The following DHRSX variants were observed in gnomAD, a reference collection of about 807,000 sequenced individuals.
DHRSX encodes polyprenol dehydrogenase.
A neutral mutation model predicts 34.0 loss-of-function variants in DHRSX; 31 were observed. The observed-to-expected ratio is 0.91, with a 90% CI of 0.69 to 1.23. The LOEUF (loss-of-function observed/expected upper bound fraction) is 1.23. Ranked by LOEUF, DHRSX falls within the 50% of genes most tolerant of loss-of-function variation. DHRSX has a pLI of 0.00. For missense variants in DHRSX, 414 were observed against 428.1 expected (o/e 0.97, Z 0.29); for synonymous variants, 201 against 183.8 (o/e 1.09, Z -0.76).
At chrX:2,315,897 T>C (rs1373843818) in intron 3 of DHRSX, among the ~76,000 whole-genome samples, 1 of 152,144 alleles carries the variant, frequency 6.6e-6, no homozygotes, top group East Asian at 1.9e-4. Flanking sequence ...AGTCTCACTC[T>C]GTTGCCTAGG....
chrX:2,251,671 A>G (rs2016437027), intron 5 of DHRSX, among the ~76,000 whole-genome samples: 1 of 152,128 alleles, frequency 6.6e-6, no homozygotes, highest in African/African-American at 2.4e-5. Flanking sequence ...AAGTAAAAAA[A>G]ATGGCCTTGC....
chrX:2,419,328 C>G (rs888958944), intron 2 of DHRSX, among the ~76,000 whole-genome samples: 1 of 152,202 alleles, frequency 6.6e-6, no homozygotes, highest in Non-Finnish European at 1.5e-5. Flanking sequence ...TCTGACCACA[C>G]TGACCCCCTG....
intron 4 of DHRSX, among the ~76,000 whole-genome samples, chrX:2,269,831 C>T (rs1207350032): frequency 1.3e-5 from 2 of 152,154 alleles, no homozygotes; most frequent in Non-Finnish European, 2.9e-5. Flanking sequence ...TGAGACACTG[C>T]ACCCGGCCGT....
At chrX:2,239,696 G>C (rs930632745) in intron 6 of DHRSX, among the ~76,000 whole-genome samples, 13 of 152,130 alleles carry the variant, frequency 8.5e-5, no homozygotes, top group Non-Finnish European at 1.6e-4. Flanking sequence ...ATGAACCTGG[G>C]AGGCGGAGCT....
At chrX:2,322,666 G>A (rs184807774) in intron 3 of DHRSX, among the ~76,000 whole-genome samples, 2,496 of 116,034 alleles carry the variant, frequency 0.022, 86 homozygotes, top group African/African-American at 0.08. Context: ...ACAGGCGTGC[G>A]CCACCACGCC....
intron 3 of DHRSX, among the ~76,000 whole-genome samples, chrX:2,299,506 ACTTTT>A (rs1252507284): frequency 3.3e-5 from 5 of 152,060 alleles, no homozygotes; most frequent in Admixed American, 2.6e-4. Flanking sequence ...AACTCATCCA[ACTTTT>A]CTTTTATTTG....
intron 3 of DHRSX, 71 bp downstream of exon 3, chrX:2,408,674 T>G: frequency 7.3e-7 from 1 of 1,375,620 alleles, no homozygotes; most frequent in South Asian, 1.3e-5. Flanking sequence ...AGCTCAGCCA[T>G]GAACCACGCA....
At chrX:2,500,762 CAG>C in intron 1 of DHRSX, 53 bp downstream of exon 1, 1 of 931,224 alleles carries the variant, frequency 1.1e-6, no homozygotes, top group African/African-American at 1.8e-5. Flanking sequence ...GCCCCCGAGC[CAG>C]CCCGCGCCCA....
intron 3 of DHRSX, among the ~76,000 whole-genome samples, chrX:2,330,987 C>T (rs1378458709): frequency 2.0e-5 from 3 of 152,060 alleles, no homozygotes; most frequent in South Asian, 2.1e-4. Context: ...CAATGTTGAG[C>T]GACCCGCAAA....
chrX:2,474,545 C>T (rs1220710695), intron 1 of DHRSX, among the ~76,000 whole-genome samples: 1 of 150,866 alleles, frequency 6.6e-6, no homozygotes, highest in Non-Finnish European at 1.5e-5. Context: ...ATTCCTTAAG[C>T]ATGTGGCCCA....
At chrX:2,465,952 A>G (rs1014974426) in intron 1 of DHRSX, among the ~76,000 whole-genome samples, 27 of 152,224 alleles carry the variant, frequency 1.8e-4, no homozygotes, top group African/African-American at 6.5e-4. Flanking sequence ...GGAAATTGCA[A>G]TTCGAATGAC....
chrX:2,238,906 CAA>C, intron 6 of DHRSX, among the ~76,000 whole-genome samples: 1 of 152,006 alleles, frequency 6.6e-6, no homozygotes, highest in East Asian at 1.9e-4. Context: ...TCTTAATATA[CAA>C]TGCATGCATG....
At chrX:2,421,009 A>G (rs1474558636) in intron 2 of DHRSX, among the ~76,000 whole-genome samples, 1 of 152,230 alleles carries the variant, frequency 6.6e-6, no homozygotes, top group African/African-American at 2.4e-5. Context: ...ACATCTCTGT[A>G]TACTATTTTA....
chrX:2,309,580 A>C (rs1337451687), intron 3 of DHRSX, among the ~76,000 whole-genome samples: 1 of 152,168 alleles, frequency 6.6e-6, no homozygotes, highest in Non-Finnish European at 1.5e-5. Flanking sequence ...CCTGAAAATC[A>C]GATCTTAGTC....
At chrX:2,360,366 C>CTT (rs1271516588) in intron 3 of DHRSX, among the ~76,000 whole-genome samples, 2 of 152,128 alleles carry the variant, frequency 1.3e-5, no homozygotes, top group Admixed American at 6.6e-5. Flanking sequence ...GGGCGGATCA[C>CTT]GAGGGCAGGA....
At chrX:2,325,467 G>A (rs1232731886) in intron 3 of DHRSX, among the ~76,000 whole-genome samples, 1 of 152,190 alleles carries the variant, frequency 6.6e-6, no homozygotes, top group East Asian at 1.9e-4. Context: ...CAAGACAGTG[G>A]CTCCATCTTC....
At chrX:2,243,481 T>TA (rs1156724389) in intron 5 of DHRSX, among the ~76,000 whole-genome samples, 7 of 152,086 alleles carry the variant, frequency 4.6e-5, no homozygotes, top group Non-Finnish European at 8.8e-5. Flanking sequence ...ACTAATTTTT[T>TA]ATTTATTTAT....
chrX:2,488,886 T>TCA (rs1230937395), intron 1 of DHRSX: 1 of 1,611,334 alleles, frequency 6.2e-7, no homozygotes. Context: ...CGCGTGGCCG[T>TCA]CACGCACCAG....
At chrX:2,314,446 G>T (rs1411371764) in intron 3 of DHRSX, among the ~76,000 whole-genome samples, 1 of 114,240 alleles carries the variant, frequency 8.8e-6, no homozygotes. Context: ...AGGAAGGAAG[G>T]GGAGAAGGGA....
Sources: gnomAD v4.1 joint callset for allele counts (sites outside exome capture counted in the v4.1 genomes callset) on GRCh38, gnomAD v4.1.1 for gene constraint, MANE v1.5 for transcripts, NCBI Gene and HGNC (gene_info 2026-07-23, HGNC 2026-07-21) for gene names.